Variants in PDXK observed in about 807,000 individuals in gnomAD.
The protein encoded by PDXK is pyridoxal kinase, also known as epididymis secretory sperm binding protein Li 1a.
PDXK carries 15 observed loss-of-function variants against 43.2 expected under a neutral mutation model. The observed-to-expected ratio is 0.35, with a 90% CI of 0.23 to 0.53. PDXK has a LOEUF of 0.53. Ranked by LOEUF, PDXK falls within the 20% of genes least tolerant of loss-of-function variation. The pLI is 0.92. For synonymous variants in PDXK, 172 were observed against 165.4 expected (o/e 1.04, Z -0.31); for missense variants, 343 against 417.0 (o/e 0.82, Z 1.54).
At chr21:43,720,955 TCCCA>T (rs2083201960) in intron 1 of PDXK, among the ~76,000 whole-genome samples, 1 of 152,216 alleles carries the variant, frequency 6.6e-6, no homozygotes, top group Non-Finnish European at 1.5e-5. Context: ...GTTCTCGAAC[TCCCA>T]GTGACTCGAG....
Position 43,754,715 on chromosome 21 carries a change from C to T in PDXK, c.760-983C>T, listed in dbSNP as rs2083816310. On this transcript the variant is annotated intron_variant, in intron 9 of 10. Coordinates refer to ENST00000291565, the MANE Select transcript of PDXK (RefSeq NM_003681.5). This position sits in a 1 kb window ranked among gnomAD's most constrained non-coding sequence, Gnocchi z 5.5. ...TGGGAGTGACAGGAGGAAGACAGGA[C>T]ACCTCTGTCACTATTGGGTGCGCTG... 6.6e-6 allele frequency among the ~76,000 whole-genome samples: 1 copy of T among 152,072 alleles called. No homozygotes were observed. The highest frequency in any genetic ancestry group is 1.5e-5 in the Non-Finnish European group (1 of 67,998).
In PDXK at chr21:43,737,903, T is replaced by A. The variant is rs1215677624; in HGVS notation, c.143-3764T>A. The A allele has an allele frequency of 2.0e-6, 2 of 985,348 alleles. No individual in the cohort carries two copies. Among genetic ancestry groups the A allele is most frequent in the African/African-American group, 3.5e-5 (2 of 57,248 alleles). 61.0% of individuals were successfully genotyped at this position (985,348 alleles called of 1,614,324 possible). A position where few individuals can be genotyped will look rare whatever the true frequency, so the allele number is the denominator to read the frequency against. ...GCCCTCCCCTGTTGGAGAAGGTTCT[T>A]GTGGGCTCTGGGCCCATCCCACATC... On this transcript the variant is annotated intron_variant, in intron 2 of 10. Transcript: ENST00000291565. This position sits in a 1 kb window ranked among gnomAD's most constrained non-coding sequence, Gnocchi z 4.8.
intron 2 of PDXK, among the ~76,000 whole-genome samples, chr21:43,740,355 G>A (rs2083475840): frequency 6.6e-6 from 1 of 152,142 alleles, no homozygotes; most frequent in African/African-American, 2.4e-5. Flanking sequence ...TGGCGCGTGG[G>A]CGCAGAGCCG....
At chr21:43,755,901 G>A in intron 10 of PDXK, 50 bp from the exon 11 acceptor site, 1 of 1,501,126 alleles carries the variant, frequency 6.7e-7, no homozygotes, top group East Asian at 2.3e-5. Flanking sequence ...GGGGGCAACA[G>A]CGGGAGCCCC....
At chr21:43,741,573 G>A (rs1463770074) in intron 2 of PDXK, 94 bp from the exon 3 acceptor site, 2 of 1,552,824 alleles carry the variant, frequency 1.3e-6, no homozygotes, top group South Asian at 1.2e-5. Flanking sequence ...CGTCCACCAG[G>A]CAGCCTCAGG....
At chr21:43,750,472 C>T in intron 6 of PDXK, 28 bp from the exon 7 acceptor site, 3 of 1,598,170 alleles carry the variant, frequency 1.9e-6, no homozygotes, top group Non-Finnish European at 1.7e-6. Context: ...CACCTGTCCC[C>T]ACCCGCCTGT....
chr21:43,752,115 G>GTA (rs915884719), intron 7 of PDXK, among the ~76,000 whole-genome samples: 3 of 152,144 alleles, frequency 2.0e-5, no homozygotes, highest in Non-Finnish European at 4.4e-5. Flanking sequence ...GTGTGTGTGT[G>GTA]TGTGTGTGTG....
intron 7 of PDXK, among the ~76,000 whole-genome samples, chr21:43,751,688 T>C (rs1368332806): frequency 6.6e-6 from 1 of 152,228 alleles, no homozygotes. Flanking sequence ...ACCTTGTTGC[T>C]GCATCCTCAT....
In PDXK at chr21:43,719,244, G is replaced by A; in HGVS notation, c.-51G>A. The A allele has an allele frequency of 2.6e-6, 3 of 1,134,418 alleles. No individual in the cohort carries two copies. Among genetic ancestry groups the A allele is most frequent in the Non-Finnish European group, 3.5e-6 (3 of 861,474 alleles). The allele number at this position is 1,134,418 out of a possible 1,614,324, so 70.3% of individuals were successfully genotyped here. On this transcript the variant is annotated 5_prime_UTR_variant, in exon 1 of 11. Transcript: ENST00000291565. ...AGCCGAGCCGGAGCCCGAGCGAGCG[G>A]CGGAGACCGTGCCCCCGCCTCGGCC...
chr21:43,755,345 A>C, intron 9 of PDXK: 1 of 239,168 alleles, frequency 4.2e-6, no homozygotes, highest in East Asian at 1.0e-4. Flanking sequence ...GGCTTTCGGC[A>C]GGAGCACTTC....
At position 43,720,972 on chromosome 21, in the gene PDXK, G is replaced by C. The variant is rs546927295; in HGVS notation, c.87+1591G>C. ...TCTCGAACTCCCAGTGACTCGAGGG[G>C]TGTCCTCTGATTGCTCACCTCAGGT... On this transcript the variant is annotated intron_variant, in intron 1 of 10. Coordinates refer to ENST00000291565, the MANE Select transcript of PDXK (RefSeq NM_003681.5). Among the ~76,000 whole-genome samples the C allele has an allele frequency of 2.0e-5, 3 of 152,344 alleles. No individual in the cohort carries two copies. The South Asian group carries it at 6.2e-4, about 32-fold the overall frequency.
At chr21:43,752,489 G>T in intron 7 of PDXK, 29 bp from the exon 8 acceptor site, 1 of 1,482,816 alleles carries the variant, frequency 6.7e-7, no homozygotes, top group South Asian at 1.1e-5. Context: ...GTGACCGGCC[G>T]TGGCTGACGC....
In PDXK at chr21:43,734,026, ACCTGGCTCTCTTACGCCTACCTGTT is replaced by A. The variant is rs2083364097; in HGVS notation, c.88-39_88-15del. ...CCTGCTGGGGTTCGTGGGACCCCAG[ACCTGGCTCTCTTACGCCTACCTGTT>A]CCTTCTCTGTCTTGCAGGTTTTGGG... On this transcript the variant is annotated intron_variant, in intron 1 of 10. Transcript: ENST00000291565. This position sits in a 1 kb window ranked among gnomAD's most constrained non-coding sequence, Gnocchi z 5.0. The A allele has an allele frequency of 6.2e-7, 1 of 1,601,914 alleles. No homozygotes were observed. The highest frequency in any genetic ancestry group is 1.7e-5 in the Admixed American group (1 of 59,984).
At chr21:43,719,856 C>T in intron 1 of PDXK, 3 of 985,484 alleles carry the variant, frequency 3.0e-6, no homozygotes, top group South Asian at 9.4e-5. Context: ...TCCTGGGCCC[C>T]TGTGCGTGGG....
chr21:43,757,411 G>T lies in PDXK; in HGVS notation c.*1348G>T, dbSNP rs2083868324. 2 of 152,382 alleles carry T rather than the reference G, an allele frequency of 1.3e-5. No homozygotes were observed. The highest frequency in any genetic ancestry group is 4.8e-5 in the African/African-American group (2 of 41,562). 9.4% of individuals were successfully genotyped at this position (152,382 alleles called of 1,614,324 possible). On this transcript the variant is annotated 3_prime_UTR_variant, in exon 11 of 11. Transcript: ENST00000291565. ...AGAAATAGGGAGATGCAGGAAGTGG[G>T]GGCCCATGGGGCCCCCAAGAAGCGG... is the stretch of plus-strand genomic sequence containing the variant.
rs561390843 is a variant in PDXK, at chr21:43,734,045, A to C, written c.88-24A>C. ...CCCCAGACCTGGCTCTCTTACGCCT[A>C]CCTGTTCCTTCTCTGTCTTGCAGGT... On this transcript the variant is annotated intron_variant, in intron 1 of 10. Transcript: ENST00000291565. The surrounding 1 kb of genome is among the most constrained non-coding windows in gnomAD (Gnocchi z 5.0). The C allele has an allele frequency of 6.2e-7, 1 of 1,613,232 alleles. No individual in the cohort carries two copies. The highest frequency in any genetic ancestry group is 1.3e-5 in the African/African-American group (1 of 74,890).
At chr21:43,724,334 G>T (rs2083232695) in intron 1 of PDXK, among the ~76,000 whole-genome samples, 1 of 152,176 alleles carries the variant, frequency 6.6e-6, no homozygotes, top group South Asian at 2.1e-4. Flanking sequence ...ATTGGCAAAA[G>T]TAGCTGTGGC....
intron 1 of PDXK, among the ~76,000 whole-genome samples, chr21:43,730,998 C>G (rs1349452785): frequency 2.6e-5 from 4 of 151,964 alleles, no homozygotes; most frequent in Non-Finnish European, 4.4e-5. Context: ...TTTTATGACT[C>G]AATTTTTTTT....
chr21:43,728,943 C>A (rs1291496204), intron 1 of PDXK: 11 of 985,382 alleles, frequency 1.1e-5, no homozygotes, highest in African/African-American at 1.7e-5. Context: ...TATTTTGACC[C>A]CCCAGGGCAG....
Sources: allele counts gnomAD v4.1 joint callset (sites outside exome capture counted in the v4.1 genomes callset), GRCh38; gene constraint gnomAD v4.1.1; non-coding constraint Gnocchi (gnomAD v3.1); transcripts MANE v1.5; gene names NCBI Gene and HGNC (gene_info 2026-07-23, HGNC 2026-07-21).